Variants in DOCK3 observed in about 807,000 individuals in gnomAD.
DOCK3 encodes dedicator of cytokinesis 3.
DOCK3 carries 60 observed loss-of-function variants against 265.6 expected under a neutral mutation model. The ratio of observed to expected loss-of-function variants is 0.23; its 90% CI spans 0.18 to 0.28. The LOEUF (loss-of-function observed/expected upper bound fraction) is 0.28. Among genes scored for constraint, DOCK3 ranks in the 10% least tolerant of loss-of-function variants. The pLI, the probability that DOCK3 is intolerant of heterozygous loss-of-function variation, is 1.00. For synonymous variants in DOCK3, 881 were observed against 938.0 expected (o/e 0.94, Z 1.11); for missense variants, 1,981 against 2,594.3 (o/e 0.76, Z 5.14).
intron 32 of DOCK3, among the ~76,000 whole-genome samples, chr3:51,325,629 A>G (rs908265030): frequency 6.6e-6 from 1 of 152,224 alleles, no homozygotes; most frequent in Non-Finnish European, 1.5e-5. Context: ...TTACTGCGAC[A>G]CTATTCACAA....
At chr3:50,935,360 G>T (rs2051300252) in intron 5 of DOCK3, among the ~76,000 whole-genome samples, 1 of 152,182 alleles carries the variant, frequency 6.6e-6, no homozygotes, top group Non-Finnish European at 1.5e-5. Context: ...CTCTCCAGTG[G>T]AGTCTGTAGA....
Position 50,869,342 on chromosome 3 carries a change from A to ATTTTTTTTTTTTTTTTTTTTTTTT in DOCK3, c.163-20659_163-20636dup, listed in dbSNP as rs755531254. 3.7e-3 allele frequency among the ~76,000 whole-genome samples: 262 copies of ATTTTTTTTTTTTTTTTTTTTTTTT among 70,106 alleles called. 128 individuals are homozygous for ATTTTTTTTTTTTTTTTTTTTTTTT. In the Middle Eastern group the frequency reaches 0.057, roughly 15 times the overall value. The allele number at this position is 70,106 out of a possible 152,430, so 46.0% of individuals were successfully genotyped here. On this transcript the variant is annotated intron_variant, in intron 3 of 52. Transcript: ENST00000266037. ...TCAATTTTATTTATTTCTGCTGGGA[A>ATTTTTTTTTTTTTTTTTTTTTTTT]TTTTTTTTTTTTTTTTTTTTTTTTT...
chr3:50,817,379 C>T lies in DOCK3; in HGVS notation c.122-24296C>T, dbSNP rs1331543446. Among the ~76,000 whole-genome samples the T allele has an allele frequency of 2.6e-5, 4 of 152,160 alleles. No individual in the cohort carries two copies. In the South Asian group the frequency reaches 6.2e-4, roughly 24 times the overall value. Reference sequence around the variant, plus strand: ...TCATACGCCTCTGACACAGTCTCAACCTCCCAGGCTCAAGCCATTTGTCCT... The same window carrying T: ...TCATACGCCTCTGACACAGTCTCAATCTCCCAGGCTCAAGCCATTTGTCCT... On this transcript the variant is annotated intron_variant, in intron 2 of 52. Coordinates refer to ENST00000266037, the MANE Select transcript of DOCK3 (RefSeq NM_004947.5).
At chr3:50,938,834 T>C (rs1302071822) in intron 5 of DOCK3, among the ~76,000 whole-genome samples, 1 of 151,710 alleles carries the variant, frequency 6.6e-6, no homozygotes, top group African/African-American at 2.4e-5. Context: ...GCTCCTGCTC[T>C]ACTGTAAGAA....
intron 27 of DOCK3, among the ~76,000 whole-genome samples, chr3:51,308,032 G>T (rs1295331094): frequency 6.6e-6 from 1 of 151,652 alleles, no homozygotes; most frequent in Non-Finnish European, 1.5e-5. Flanking sequence ...TAACAATTCT[G>T]GGGGGTCAGG....
At chr3:51,228,279 C>T (rs1176013685) in intron 17 of DOCK3, among the ~76,000 whole-genome samples, 191 bp downstream of exon 17, 8 of 152,216 alleles carry the variant, frequency 5.3e-5, no homozygotes, top group Non-Finnish European at 1.2e-4. Context: ...CCACAAGTAA[C>T]GCCAACAGGT....
chr3:50,810,950 A>AT (rs1276667676), intron 2 of DOCK3, among the ~76,000 whole-genome samples: 1 of 152,178 alleles, frequency 6.6e-6, no homozygotes, highest in African/African-American at 2.4e-5. Context: ...CATGATCTGT[A>AT]TTTTTTACTA....
At chr3:51,028,930 C>T (rs2079926557) in intron 5 of DOCK3, among the ~76,000 whole-genome samples, 1 of 152,152 alleles carries the variant, frequency 6.6e-6, no homozygotes, top group Non-Finnish European at 1.5e-5. Context: ...GTCTGGTTGG[C>T]ATCCATTGCT....
chr3:51,044,607 T>G (rs894313466), intron 5 of DOCK3, among the ~76,000 whole-genome samples: 1 of 152,014 alleles, frequency 6.6e-6, no homozygotes, highest in African/African-American at 2.4e-5. Flanking sequence ...AAATGGCATC[T>G]TCTTATCTTT....
chr3:51,279,748 C>T (rs2081012075), intron 26 of DOCK3, among the ~76,000 whole-genome samples: 1 of 152,208 alleles, frequency 6.6e-6, no homozygotes, highest in South Asian at 2.1e-4. Flanking sequence ...GAGGGTTAAG[C>T]TCTCCCCTTT....
At chr3:50,697,790 T>G (rs1241357411) in intron 1 of DOCK3, among the ~76,000 whole-genome samples, 1 of 152,180 alleles carries the variant, frequency 6.6e-6, no homozygotes, top group Non-Finnish European at 1.5e-5. Flanking sequence ...GCTTTTAAAT[T>G]TCTTCTGTGA....
intron 2 of DOCK3, chr3:50,786,999 T>G: frequency 1.3e-6 from 1 of 742,420 alleles, no homozygotes; most frequent in Non-Finnish European, 2.5e-6. Context: ...ACATGAGCCA[T>G]GGCATAGAAT....
chr3:51,238,130 T>C (rs1158934344), intron 21 of DOCK3, among the ~76,000 whole-genome samples: 40 of 8,882 alleles, frequency 4.5e-3, no homozygotes, highest in African/African-American at 0.018. Flanking sequence ...TTTTTTTTTT[T>C]TTTTTTTTTT....
intron 4 of DOCK3, among the ~76,000 whole-genome samples, chr3:50,922,225 C>T (rs1185231878): frequency 6.6e-6 from 1 of 152,202 alleles, no homozygotes; most frequent in Non-Finnish European, 1.5e-5. Context: ...TTCCTGGCCA[C>T]TTTGTTCATC....
chr3:51,208,709 C>A, intron 12 of DOCK3, 65 bp from the exon 13 acceptor site: 2 of 1,312,708 alleles, frequency 1.5e-6, no homozygotes, highest in Non-Finnish European at 2.1e-6. Context: ...AAGTGTTACA[C>A]ATTGGAACAT....
intron 5 of DOCK3, among the ~76,000 whole-genome samples, chr3:50,948,119 C>T (rs1198261216): frequency 4.1e-5 from 6 of 147,454 alleles, no homozygotes; most frequent in African/African-American, 9.9e-5. Context: ...TGCAGTGGCG[C>T]GATCTCGGCT....
intron 9 of DOCK3, among the ~76,000 whole-genome samples, chr3:51,120,426 G>A (rs1412729375): frequency 1.3e-5 from 2 of 152,308 alleles, no homozygotes; most frequent in East Asian, 1.9e-4. Context: ...TTGTCTCCCT[G>A]TCAGGAGGCA....
At chr3:51,363,139 G>A (rs947238556) in intron 49 of DOCK3, among the ~76,000 whole-genome samples, 1 of 152,226 alleles carries the variant, frequency 6.6e-6, no homozygotes, top group Admixed American at 6.5e-5. Flanking sequence ...GCTTTCTCAG[G>A]AGAGATGGCT....
At position 51,381,213 on chromosome 3, in the gene DOCK3, C is replaced by T. The variant is rs1324595310; in HGVS notation, c.5747C>T (p.Ser1916Phe). 1 of 1,613,810 alleles carries T rather than the reference C, an allele frequency of 6.2e-7. No individual in the cohort carries two copies. Reference sequence around the variant, plus strand: ...CCACCTCGCACTGACACCATGGACTCCATGCCAAGTCAGGCCTGGAATGCT... The same window carrying T: ...CCACCTCGCACTGACACCATGGACTTCATGCCAAGTCAGGCCTGGAATGCT... ...EAPPRTDTMD[S>F]MPSQAWNADE... is the part of the protein sequence containing the mutation. The change falls in exon 53 of 53, where the codon TCC (serine) becomes TTC (phenylalanine). Residue 1916 changes from serine (S) to phenylalanine (F), a missense_variant. Ser to Phe is a radical substitution (Grantham distance 155, BLOSUM62 -2). This residue lies in a region of DOCK3 where 1,357 missense variants were observed against 1,866.8 expected (regional missense o/e 0.73). Coordinates refer to ENST00000266037, the MANE Select transcript of DOCK3 (RefSeq NM_004947.5). The surrounding 1 kb of genome is among the most constrained non-coding windows in gnomAD (Gnocchi z 5.6).
Sources: allele counts gnomAD v4.1 joint callset (sites outside exome capture counted in the v4.1 genomes callset), GRCh38; gene constraint gnomAD v4.1.1; regional missense constraint gnomAD v4.1.1; non-coding constraint Gnocchi (gnomAD v3.1); transcripts MANE v1.5; gene names NCBI Gene and HGNC (gene_info 2026-07-23, HGNC 2026-07-21).